The following REC114 variants were observed in gnomAD, a reference collection of about 807,000 sequenced individuals.
REC114 encodes REC114 meiotic recombination protein.
Under a neutral mutation model 31.3 loss-of-function variants are expected in REC114, and 27 were observed. That is an observed-to-expected ratio of 0.86 (90% CI 0.64 to 1.19). The LOEUF (loss-of-function observed/expected upper bound fraction) is 1.19, where lower values mean the gene tolerates loss of function less well. Among genes scored for constraint, REC114 ranks in the 50% most tolerant of loss-of-function variants. REC114 has a pLI of 0.00. For missense variants in REC114, 344 were observed against 326.9 expected (o/e 1.05, Z -0.40); for synonymous variants, 134 against 127.7 (o/e 1.05, Z -0.33).
At chr15:73,496,187 A>C (rs1375520394) in intron 2 of REC114, among the ~76,000 whole-genome samples, 3 of 151,578 alleles carry the variant, frequency 2.0e-5, no homozygotes, top group Non-Finnish European at 4.4e-5. Flanking sequence ...CTCCATCTCG[A>C]CTAAAAATAC....
chr15:73,463,657 C>CT (rs1893018960), intron 1 of REC114, among the ~76,000 whole-genome samples: 1 of 152,152 alleles, frequency 6.6e-6, no homozygotes, highest in Non-Finnish European at 1.5e-5. Context: ...CCCATCTCTA[C>CT]TAAAAATACA....
At chr15:73,448,409 A>G (rs1892798464) in intron 1 of REC114, among the ~76,000 whole-genome samples, 1 of 152,192 alleles carries the variant, frequency 6.6e-6, no homozygotes, top group African/African-American at 2.4e-5. Context: ...GGAGCCCAAG[A>G]CAGCTCAGCA....
intron 1 of REC114, among the ~76,000 whole-genome samples, chr15:73,454,863 G>A (rs1166113199): frequency 6.6e-6 from 1 of 152,124 alleles, no homozygotes; most frequent in Non-Finnish European, 1.5e-5. Flanking sequence ...CCAGAGGCCA[G>A]GACATTTGAC....
intron 2 of REC114, among the ~76,000 whole-genome samples, chr15:73,519,304 G>A (rs1407108173): frequency 6.6e-6 from 1 of 152,122 alleles, no homozygotes; most frequent in Non-Finnish European, 1.5e-5. Flanking sequence ...CACCATGTAA[G>A]GACACGATGA....
chr15:73,467,331 C>G (rs913880011), intron 1 of REC114, among the ~76,000 whole-genome samples: 1 of 152,156 alleles, frequency 6.6e-6, no homozygotes, highest in African/African-American at 2.4e-5. Flanking sequence ...TATAAATTCT[C>G]TACAGACCAA....
chr15:73,550,747 A>G (rs530435350), intron 3 of REC114, among the ~76,000 whole-genome samples, 191 bp from the exon 4 acceptor site: 1 of 152,144 alleles, frequency 6.6e-6, no homozygotes, highest in South Asian at 2.1e-4. Flanking sequence ...TTTTAGTATG[A>G]TGAACAACTC....
At chr15:73,504,380 T>TG (rs1893646740) in intron 2 of REC114, among the ~76,000 whole-genome samples, 6 of 152,180 alleles carry the variant, frequency 3.9e-5, no homozygotes, top group African/African-American at 1.4e-4. Flanking sequence ...AGGAATTCAA[T>TG]ATTTTTTTCA....
At chr15:73,501,047 T>C (rs1595871189) in intron 2 of REC114, among the ~76,000 whole-genome samples, 2 of 152,306 alleles carry the variant, frequency 1.3e-5, no homozygotes, top group East Asian at 3.9e-4. Context: ...GGGAAGGCAG[T>C]GATTCACATC....
At chr15:73,475,867 C>T (rs776462680) in intron 2 of REC114, among the ~76,000 whole-genome samples, 23 of 152,164 alleles carry the variant, frequency 1.5e-4, no homozygotes, top group African/African-American at 5.3e-4. Flanking sequence ...TCACCCAGAG[C>T]AATTTTCACC....
chr15:73,478,348 A>G (rs1383987758), intron 2 of REC114, among the ~76,000 whole-genome samples: 1 of 151,786 alleles, frequency 6.6e-6, no homozygotes, highest in Admixed American at 6.6e-5. Context: ...AATTGAAAAG[A>G]CTAGCTTTCT....
At chr15:73,532,735 C>G (rs1894103109) in intron 2 of REC114, among the ~76,000 whole-genome samples, 1 of 152,106 alleles carries the variant, frequency 6.6e-6, no homozygotes, top group Non-Finnish European at 1.5e-5. Context: ...ACATAATTGT[C>G]AGATTCACCA....
At chr15:73,481,648 C>A (rs1174856932) in intron 2 of REC114, among the ~76,000 whole-genome samples, 3 of 144,040 alleles carry the variant, frequency 2.1e-5, no homozygotes, top group Non-Finnish European at 4.5e-5. Flanking sequence ...CATCTTAACT[C>A]CCTTTTTTTT....
At chr15:73,509,739 A>G (rs1198575414) in intron 2 of REC114, among the ~76,000 whole-genome samples, 2 of 147,638 alleles carry the variant, frequency 1.4e-5, no homozygotes, top group African/African-American at 5.0e-5. Flanking sequence ...TTTGTCAAAG[A>G]TCAGATAGTT....
At chr15:73,486,342 C>T (rs527777039) in intron 2 of REC114, among the ~76,000 whole-genome samples, 54 of 152,218 alleles carry the variant, frequency 3.5e-4, no homozygotes, top group African/African-American at 1.0e-3. Context: ...GTGATCTGCC[C>T]GTCTTGGCCT....
chr15:73,508,894 G>T (rs532971880), intron 2 of REC114, among the ~76,000 whole-genome samples: 1 of 150,832 alleles, frequency 6.6e-6, no homozygotes, highest in Non-Finnish European at 1.5e-5. Flanking sequence ...GAATAATGCC[G>T]CAATAAACAT....
chr15:73,504,611 G>A (rs1351112961), intron 2 of REC114, among the ~76,000 whole-genome samples: 1 of 152,036 alleles, frequency 6.6e-6, no homozygotes, highest in Non-Finnish European at 1.5e-5. Flanking sequence ...TGCTGCTTTG[G>A]CTTTGCTTCT....
At chr15:73,478,263 CAAAAAA>C (rs57210193) in intron 2 of REC114, among the ~76,000 whole-genome samples, 18 of 40,352 alleles carry the variant, frequency 4.5e-4, no homozygotes, top group African/African-American at 1.3e-3. Flanking sequence ...GACTCTGTCT[CAAAAAA>C]AAAAAAAAAA....
chr15:73,517,726 C>G (rs1893879504), intron 2 of REC114, among the ~76,000 whole-genome samples: 1 of 152,168 alleles, frequency 6.6e-6, no homozygotes, highest in Non-Finnish European at 1.5e-5. Context: ...TCCACTTGTC[C>G]TCATTTACTA....
intron 2 of REC114, among the ~76,000 whole-genome samples, chr15:73,516,680 T>G (rs1031200500): frequency 6.6e-6 from 1 of 152,142 alleles, no homozygotes; most frequent in African/African-American, 2.4e-5. Context: ...CAGGCTGAAG[T>G]GCAATGAAGC....
Sources: allele counts gnomAD v4.1 joint callset (sites outside exome capture counted in the v4.1 genomes callset), GRCh38; gene constraint gnomAD v4.1.1; transcripts MANE v1.5; gene names NCBI Gene and HGNC (gene_info 2026-07-23, HGNC 2026-07-21).